Variants in PDE4D observed in about 807,000 individuals in gnomAD.
PDE4D encodes 3',5'-cyclic-AMP phosphodiesterase 4D.
PDE4D carries 24 observed loss-of-function variants against 87.4 expected under a neutral mutation model. That is an observed-to-expected ratio of 0.27 (90% CI 0.20 to 0.39). PDE4D has a LOEUF of 0.39. Among genes scored for constraint, PDE4D ranks in the 10% least tolerant of loss-of-function variants. PDE4D has a pLI of 1.00. For synonymous variants in PDE4D, 384 were observed against 383.2 expected, an observed-to-expected ratio of 1.00 and a Z score of -0.02; for missense variants, 714 against 1,041.0, an observed-to-expected ratio of 0.69 and a Z score of 4.32.
chr5:59,794,868 G>T (rs1345759229), intron 1 of PDE4D, among the ~76,000 whole-genome samples: 2 of 152,046 alleles, frequency 1.3e-5, no homozygotes, highest in Admixed American at 6.5e-5. Flanking sequence ...TTGTAGATAG[G>T]CCCAGACAGT....
intron 1 of PDE4D, among the ~76,000 whole-genome samples, chr5:59,474,414 A>G (rs755988265): frequency 2.0e-5 from 3 of 152,162 alleles, no homozygotes; most frequent in African/African-American, 7.2e-5. Context: ...AAATACTTCT[A>G]GCTTTCCTTT....
chr5:59,230,500 G>A (rs1426895598), intron 1 of PDE4D, among the ~76,000 whole-genome samples: 1 of 152,140 alleles, frequency 6.6e-6, no homozygotes, highest in East Asian at 1.9e-4. Context: ...GACTAAATAA[G>A]AATGATTGAA....
At chr5:60,374,567 G>T (rs1036263062) in intron 1 of PDE4D, among the ~76,000 whole-genome samples, 5 of 152,148 alleles carry the variant, frequency 3.3e-5, no homozygotes, top group African/African-American at 4.8e-5. Flanking sequence ...CTATTCAACA[G>T]TGCTTTCATA....
At chr5:60,336,824 T>A (rs1757793354) in intron 1 of PDE4D, among the ~76,000 whole-genome samples, 1 of 152,146 alleles carries the variant, frequency 6.6e-6, no homozygotes, top group Non-Finnish European at 1.5e-5. Flanking sequence ...TTGGGTTGGG[T>A]TGCCAGATAA....
intron 3 of PDE4D, among the ~76,000 whole-genome samples, chr5:59,939,881 T>C (rs1324422063): frequency 6.6e-6 from 1 of 152,176 alleles, no homozygotes; most frequent in Non-Finnish European, 1.5e-5. Context: ...ACACCTTCAC[T>C]GTGACATGGG....
rs181400556 is a variant in PDE4D, at chr5:59,126,841, C to A, written c.808+53754G>T. 2.4e-3 allele frequency among the ~76,000 whole-genome samples: 367 copies of A among 152,168 alleles called. 2 individuals carry two copies. The highest frequency in any genetic ancestry group is 8.5e-3 in the African/African-American group (353 of 41,504). ...TGCCCATTAATGCCGTAAAATAAAG[C>A]GTGTTATACAGCTGATATCATCAGT... On this transcript the variant is annotated intron_variant, in intron 5 of 14. Transcript: ENST00000340635.
chr5:59,111,132 A>T lies in PDE4D; in HGVS notation c.808+69463T>A, dbSNP rs78412347. Among the ~76,000 whole-genome samples, 1,408 of 152,252 alleles carry T rather than the reference A, an allele frequency of 9.2e-3. 29 individuals carry two copies. Among genetic ancestry groups the T allele is most frequent in the African/African-American group, 0.032 (1,322 of 41,552 alleles). On this transcript the variant is annotated intron_variant, in intron 5 of 14. Transcript: ENST00000340635. ...TGACCTCTATCCATATGCTGTGATA[A>T]TCTATACACTTTTCTTGGTGTCTCA... is the stretch of plus-strand genomic sequence containing the variant.
At chr5:60,188,878 C>T (rs1338710863) in intron 1 of PDE4D, among the ~76,000 whole-genome samples, 1 of 152,142 alleles carries the variant, frequency 6.6e-6, no homozygotes, top group African/African-American at 2.4e-5. Context: ...TGCTTTGCTG[C>T]CAATAGCATG....
At chr5:59,161,750 C>G (rs1781136048) in intron 5 of PDE4D, among the ~76,000 whole-genome samples, 1 of 152,190 alleles carries the variant, frequency 6.6e-6, no homozygotes, top group African/African-American at 2.4e-5. Context: ...AGTACGTCCT[C>G]TCAATTTCCG....
intron 1 of PDE4D, among the ~76,000 whole-genome samples, chr5:59,788,564 G>T (rs757397125): frequency 6.6e-6 from 1 of 152,228 alleles, no homozygotes; most frequent in Non-Finnish European, 1.5e-5. Flanking sequence ...GCATGGCCTT[G>T]TGATAGCTGC....
intron 2 of PDE4D, among the ~76,000 whole-genome samples, chr5:59,989,398 G>C (rs1691892502): frequency 6.6e-6 from 1 of 151,910 alleles, no homozygotes; most frequent in Non-Finnish European, 1.5e-5. Context: ...TATAGCACAT[G>C]ACTGTATATT....
At chr5:60,423,638 GA>G (rs1238262019) in intron 1 of PDE4D, among the ~76,000 whole-genome samples, 1 of 152,052 alleles carries the variant, frequency 6.6e-6, no homozygotes, top group Non-Finnish European at 1.5e-5. Flanking sequence ...AAAAGAACTA[GA>G]GAAGCAAGAG....
intron 1 of PDE4D, among the ~76,000 whole-genome samples, chr5:60,429,045 T>C (rs1743964989): frequency 6.6e-6 from 1 of 152,226 alleles, no homozygotes; most frequent in Admixed American, 6.5e-5. Context: ...AGTTCTCCCA[T>C]TCATTCACCC....
At chr5:59,409,135 G>A (rs1170397805) in intron 1 of PDE4D, among the ~76,000 whole-genome samples, 2 of 148,636 alleles carry the variant, frequency 1.3e-5, no homozygotes, top group Non-Finnish European at 3.0e-5. Context: ...GTGACTAAGC[G>A]AGACTCCATT....
intron 1 of PDE4D, among the ~76,000 whole-genome samples, chr5:59,442,170 CT>C (rs1797727521): frequency 6.6e-6 from 1 of 152,008 alleles, no homozygotes. Flanking sequence ...AAAGATAAGG[CT>C]TTGTGAGAGA....
chr5:59,480,778 C>T (rs1471911786), intron 1 of PDE4D, among the ~76,000 whole-genome samples: 1 of 152,124 alleles, frequency 6.6e-6, no homozygotes, highest in Non-Finnish European at 1.5e-5. Flanking sequence ...TTACTGTGTG[C>T]CAGACAGGTG....
intron 3 of PDE4D, among the ~76,000 whole-genome samples, chr5:59,948,817 T>C (rs955113873): frequency 8.5e-5 from 13 of 152,340 alleles, no homozygotes; most frequent in Non-Finnish European, 7.4e-5. Context: ...AGAATCATTA[T>C]GTAGATTCTA....
chr5:59,451,255 G>A (rs1338805726), intron 1 of PDE4D, among the ~76,000 whole-genome samples: 1 of 152,166 alleles, frequency 6.6e-6, no homozygotes, highest in Non-Finnish European at 1.5e-5. Flanking sequence ...CTCTGTTCAT[G>A]TCTTTCATTT....
At chr5:59,920,846 A>G (rs1417081625) in intron 3 of PDE4D, among the ~76,000 whole-genome samples, 1 of 117,386 alleles carries the variant, frequency 8.5e-6, no homozygotes, top group Non-Finnish European at 1.7e-5. Context: ...AACATCACAC[A>G]CTGGGGCCTG....
Sources: gnomAD v4.1 joint callset for allele counts (sites outside exome capture counted in the v4.1 genomes callset) on GRCh38, gnomAD v4.1.1 for gene constraint, MANE v1.5 for transcripts, NCBI Gene and HGNC (gene_info 2026-07-23, HGNC 2026-07-21) for gene names.